The following DISC1 variants were observed in gnomAD, a reference collection of about 807,000 sequenced individuals.
DISC1 encodes disrupted in schizophrenia 1 protein.
Under a neutral mutation model 84.5 loss-of-function variants are expected in DISC1, and 57 were observed. That is an observed-to-expected ratio of 0.67 (90% CI 0.55 to 0.84). DISC1 has a LOEUF of 0.84. DISC1 is among the 40% of genes least tolerant of loss of function. DISC1 has a pLI of 0.00. For synonymous variants in DISC1, 411 were observed against 415.2 expected (o/e 0.99, Z 0.12); for missense variants, 1,000 against 1,057.8 (o/e 0.95, Z 0.76).
intron 9 of DISC1, among the ~76,000 whole-genome samples, chr1:231,924,064 A>G (rs946503953): frequency 1.3e-5 from 2 of 152,108 alleles, no homozygotes; most frequent in African/African-American, 4.8e-5. Flanking sequence ...ACATCGCTAT[A>G]TTTTCCCTGA....
intron 10 of DISC1, among the ~76,000 whole-genome samples, chr1:231,987,092 G>A (rs530147152): frequency 9.2e-5 from 14 of 152,224 alleles, no homozygotes; most frequent in Admixed American, 2.0e-4. Flanking sequence ...TCAACTCTGA[G>A]AAGTCGGTTG....
At chr1:231,755,218 T>G (rs2074998706) in intron 4 of DISC1, among the ~76,000 whole-genome samples, 1 of 152,078 alleles carries the variant, frequency 6.6e-6, no homozygotes, top group African/African-American at 2.4e-5. Context: ...CTTAATTTTT[T>G]TTTTTTGAGA....
At chr1:231,923,603 G>A (rs533301075) in intron 9 of DISC1, among the ~76,000 whole-genome samples, 4 of 152,340 alleles carry the variant, frequency 2.6e-5, no homozygotes, top group East Asian at 1.9e-4. Context: ...CCACGCTAAA[G>A]ACCTCTCACA....
intron 1 of DISC1, among the ~76,000 whole-genome samples, chr1:231,690,715 A>G (rs1386210047): frequency 6.6e-6 from 1 of 152,168 alleles, no homozygotes; most frequent in East Asian, 1.9e-4. Flanking sequence ...GTTATGGGAA[A>G]CTGGGAGTTT....
intron 1 of DISC1, among the ~76,000 whole-genome samples, chr1:231,688,975 T>C (rs1345327474): frequency 6.6e-6 from 1 of 152,206 alleles, no homozygotes; most frequent in Admixed American, 6.5e-5. Flanking sequence ...TTTGGCTCAG[T>C]AGAGTGTTTG....
chr1:231,701,236 T>C (rs2066377466), intron 2 of DISC1, among the ~76,000 whole-genome samples: 1 of 152,158 alleles, frequency 6.6e-6, no homozygotes, highest in Non-Finnish European at 1.5e-5. Flanking sequence ...ATATTCATTA[T>C]CATGAGAACA....
At chr1:231,838,213 A>G (rs1236217895) in intron 9 of DISC1, among the ~76,000 whole-genome samples, 1 of 152,222 alleles carries the variant, frequency 6.6e-6, no homozygotes, top group Non-Finnish European at 1.5e-5. Flanking sequence ...TGAATTTAAC[A>G]TATATTCATG....
At chr1:231,858,598 C>T (rs773428517) in intron 9 of DISC1, among the ~76,000 whole-genome samples, 3 of 152,198 alleles carry the variant, frequency 2.0e-5, no homozygotes, top group Admixed American at 6.5e-5. Flanking sequence ...TCCACACACT[C>T]GCTGGGTTAG....
chr1:231,726,224 A>G (rs2070669810), intron 3 of DISC1, among the ~76,000 whole-genome samples: 1 of 152,262 alleles, frequency 6.6e-6, no homozygotes, highest in South Asian at 2.1e-4. Flanking sequence ...ATGGAAATCT[A>G]AATATCAGCA....
At chr1:231,822,662 G>A (rs549326060) in intron 9 of DISC1, among the ~76,000 whole-genome samples, 3 of 152,288 alleles carry the variant, frequency 2.0e-5, no homozygotes, top group South Asian at 2.1e-4. Flanking sequence ...GTCCATCTGC[G>A]TTGCTATAGA....
intron 1 of DISC1, among the ~76,000 whole-genome samples, chr1:231,674,840 A>G (rs1013639493): frequency 2.7e-4 from 41 of 152,152 alleles, no homozygotes; most frequent in Non-Finnish European, 4.6e-4. Context: ...TAACCTTAAA[A>G]CTCACCTAGA....
chr1:232,015,022 AG>A (rs1448169134), intron 11 of DISC1, among the ~76,000 whole-genome samples: 3 of 152,256 alleles, frequency 2.0e-5, no homozygotes, highest in African/African-American at 7.2e-5. Context: ...CAGGCTTACC[AG>A]GACCCTGCCC....
chr1:231,963,387 T>G (rs1320577595), intron 10 of DISC1, among the ~76,000 whole-genome samples: 2 of 152,202 alleles, frequency 1.3e-5, no homozygotes, highest in Non-Finnish European at 2.9e-5. Context: ...GACAATTTCA[T>G]ATAGTTAACC....
rs569470404 is a variant in DISC1 at position 231,649,427 on chromosome 1, T to G, written c.67+22493T>G. Reference sequence around the variant, plus strand: ...TTGCACTGTGGTCTGAGAGACAGTTTGTTATGATTTCTGTTCTTTTACATT... The same window carrying G: ...TTGCACTGTGGTCTGAGAGACAGTTGGTTATGATTTCTGTTCTTTTACATT... On this transcript the variant is annotated intron_variant, in intron 1 of 12. Coordinates refer to ENST00000439617, the MANE Select transcript of DISC1 (RefSeq NM_018662.3). 2.3e-4 allele frequency among the ~76,000 whole-genome samples: 35 copies of G among 152,328 alleles called. No individual in the cohort carries two copies. The South Asian group carries it at 4.6e-3, about 20-fold the overall frequency.
chr1:231,983,303 C>T (rs1485245785), intron 10 of DISC1, among the ~76,000 whole-genome samples: 1 of 151,514 alleles, frequency 6.6e-6, no homozygotes, highest in Non-Finnish European at 1.5e-5. Flanking sequence ...GGGGAAGCTG[C>T]CCAGACAGTA....
At chr1:231,861,162 T>C (rs2084618725) in intron 9 of DISC1, among the ~76,000 whole-genome samples, 1 of 152,216 alleles carries the variant, frequency 6.6e-6, no homozygotes. Flanking sequence ...GTTGTATGAA[T>C]TGAAATCCAT....
At chr1:232,005,168 C>T (rs577800148) in intron 10 of DISC1, among the ~76,000 whole-genome samples, 3 of 149,222 alleles carry the variant, frequency 2.0e-5, no homozygotes, top group African/African-American at 7.4e-5. Flanking sequence ...AAAATACATA[C>T]ATCATGAATG....
intron 10 of DISC1, among the ~76,000 whole-genome samples, chr1:231,972,191 G>T (rs1398029148): frequency 6.6e-6 from 1 of 152,162 alleles, no homozygotes; most frequent in Non-Finnish European, 1.5e-5. Context: ...TTGTTTTGTT[G>T]ATGGCATTTG....
chr1:231,754,130 C>G (rs1349344996), intron 4 of DISC1, among the ~76,000 whole-genome samples: 1 of 152,186 alleles, frequency 6.6e-6, no homozygotes, highest in East Asian at 1.9e-4. Flanking sequence ...CCACACTCTT[C>G]CAACCTCAGC....
Sources: allele counts gnomAD v4.1 joint callset (sites outside exome capture counted in the v4.1 genomes callset), GRCh38; gene constraint gnomAD v4.1.1; transcripts MANE v1.5; gene names NCBI Gene and HGNC (gene_info 2026-07-23, HGNC 2026-07-21).